The following ELOVL7 variants were observed in gnomAD, a reference collection of about 807,000 sequenced individuals.
ELOVL7 encodes very long chain fatty acid elongase 7.
In ELOVL7, 27 loss-of-function variants were observed where a neutral mutation model predicts 35.7. The ratio of observed to expected loss-of-function variants is 0.76; its 90% CI spans 0.56 to 1.04. ELOVL7 has a LOEUF of 1.04. Ranked by LOEUF, ELOVL7 falls within the 50% of genes least tolerant of loss-of-function variation. The pLI is 0.00. For synonymous variants in ELOVL7, 113 were observed against 114.6 expected, an observed-to-expected ratio of 0.99 and a Z score of 0.09; for missense variants, 327 against 340.8, an observed-to-expected ratio of 0.96 and a Z score of 0.32.
At chr5:60,827,265 A>G (rs865966669) in intron 1 of ELOVL7, among the ~76,000 whole-genome samples, 36 of 152,354 alleles carry the variant, frequency 2.4e-4, no homozygotes, top group Middle Eastern at 3.4e-3. Flanking sequence ...AAAAGATGCC[A>G]GAAAAAACTT....
chr5:60,755,184 C>T (rs1448735591), intron 8 of ELOVL7, among the ~76,000 whole-genome samples: 1 of 152,228 alleles, frequency 6.6e-6, no homozygotes, highest in Admixed American at 6.5e-5. Context: ...AATGACCATG[C>T]ACTACATGTG....
At chr5:60,768,361 A>G (rs1268439308) in intron 4 of ELOVL7, among the ~76,000 whole-genome samples, 1 of 152,172 alleles carries the variant, frequency 6.6e-6, no homozygotes, top group Admixed American at 6.5e-5. Flanking sequence ...GCAAACCAAA[A>G]TGCCTCAATG....
chr5:60,770,744 G>A (rs1050464979), intron 4 of ELOVL7, among the ~76,000 whole-genome samples: 2 of 152,120 alleles, frequency 1.3e-5, no homozygotes, highest in African/African-American at 2.4e-5. Flanking sequence ...ACAGGGTCTT[G>A]CTCCGTCACT....
chr5:60,812,417 GT>G (rs1420010424), intron 1 of ELOVL7, among the ~76,000 whole-genome samples: 1 of 152,032 alleles, frequency 6.6e-6, no homozygotes, highest in Non-Finnish European at 1.5e-5. Context: ...TTAACTGGTT[GT>G]GACCTATGTT....
chr5:60,835,066 C>T (rs1420834554), intron 1 of ELOVL7, among the ~76,000 whole-genome samples: 3 of 151,314 alleles, frequency 2.0e-5, no homozygotes, highest in East Asian at 1.9e-4. Flanking sequence ...GGCACACACC[C>T]GTAGTCCCAG....
At chr5:60,767,944 T>A (rs573554345) in intron 4 of ELOVL7, 41 bp from the exon 5 acceptor site, 1 of 1,508,428 alleles carries the variant, frequency 6.6e-7, no homozygotes, top group South Asian at 1.1e-5. Context: ...GAAAGCATTT[T>A]CCCAACAGCC....
At chr5:60,820,957 C>A (rs1444779890) in intron 1 of ELOVL7, among the ~76,000 whole-genome samples, 1 of 152,010 alleles carries the variant, frequency 6.6e-6, no homozygotes, top group Non-Finnish European at 1.5e-5. Flanking sequence ...CTCTTGTCTG[C>A]CTAGTGAATT....
intron 2 of ELOVL7, among the ~76,000 whole-genome samples, chr5:60,792,103 AC>A (rs1211174183): frequency 1.3e-5 from 2 of 152,142 alleles, no homozygotes; most frequent in Non-Finnish European, 2.9e-5. Flanking sequence ...CAGAGGAAGA[AC>A]CCAAACTAGA....
At chr5:60,824,216 G>C (rs1202196992) in intron 1 of ELOVL7, among the ~76,000 whole-genome samples, 1 of 152,220 alleles carries the variant, frequency 6.6e-6, no homozygotes, top group Non-Finnish European at 1.5e-5. Context: ...GTCTCTGAGA[G>C]AGTGAAGAGA....
chr5:60,770,412 C>G (rs1408839639), intron 4 of ELOVL7, among the ~76,000 whole-genome samples: 1 of 152,140 alleles, frequency 6.6e-6, no homozygotes, highest in Non-Finnish European at 1.5e-5. Context: ...GGTTAAATAA[C>G]TTGCTAAAAT....
At chr5:60,818,189 G>A (rs1745643022) in intron 1 of ELOVL7, among the ~76,000 whole-genome samples, 1 of 151,522 alleles carries the variant, frequency 6.6e-6, no homozygotes, top group African/African-American at 2.4e-5. Context: ...GTGGTGGCGG[G>A]CGCCTATAAT....
At chr5:60,754,933 T>A in intron 8 of ELOVL7, 100 bp from the exon 9 acceptor site, 2 of 935,924 alleles carry the variant, frequency 2.1e-6, no homozygotes, top group Non-Finnish European at 3.2e-6. Flanking sequence ...GGGAGTGCAC[T>A]ATTGGGCAAA....
chr5:60,764,009 G>C (rs763170514), intron 7 of ELOVL7, among the ~76,000 whole-genome samples: 4 of 152,070 alleles, frequency 2.6e-5, no homozygotes, highest in Non-Finnish European at 2.9e-5. Context: ...TGTGTAGAAG[G>C]CTGTGCCCAG....
At chr5:60,807,286 T>C (rs1004973860) in intron 1 of ELOVL7, among the ~76,000 whole-genome samples, 2 of 152,140 alleles carry the variant, frequency 1.3e-5, no homozygotes, top group African/African-American at 4.8e-5. Flanking sequence ...TGAGGTGGAA[T>C]GAATCTTGCT....
At chr5:60,787,198 T>C (rs949930396) in intron 3 of ELOVL7, 136 bp downstream of exon 3, 69 of 654,860 alleles carry the variant, frequency 1.1e-4, no homozygotes, top group Non-Finnish European at 1.3e-4. Context: ...ACCTGTGCAC[T>C]TCCTCTTCGT....
Position 60,766,580 on chromosome 5 carries a change from T to A in ELOVL7, c.387A>T (p.Leu129Phe), listed in dbSNP as rs1742249012. 2.5e-6 allele frequency: 4 copies of A among 1,612,452 alleles called. No individual in the cohort carries two copies. In the South Asian group the frequency reaches 4.4e-5, roughly 18 times the overall value. The stretch of plus-strand genomic sequence containing the variant: ...GTGGTGGCCATATACTCACCGTATC[T>A]AATAGCTCAATAAATTTGGAGAAGT... The part of the protein sequence containing the change: ...LYYFSKFIEL[L>F]DTIFFVLRKK... Residue 129 changes from leucine (L) to phenylalanine (F), a missense_variant, in exon 6 of 9, where the codon TTA (leucine) becomes TTT (phenylalanine). By Grantham distance (22) the Leu-to-Phe change is conservative. Transcript: ENST00000508821.
chr5:60,825,006 A>T (rs1746089457), intron 1 of ELOVL7, among the ~76,000 whole-genome samples: 3 of 149,952 alleles, frequency 2.0e-5, no homozygotes, highest in Admixed American at 2.0e-4. Context: ...CCCAGGCTGG[A>T]GTGCAGTGGT....
At chr5:60,761,120 C>T (rs1741884611) in intron 7 of ELOVL7, among the ~76,000 whole-genome samples, 1 of 152,040 alleles carries the variant, frequency 6.6e-6, no homozygotes, top group Admixed American at 6.6e-5. Context: ...ATTTTCTAAG[C>T]CTGTTTTCTT....
intron 1 of ELOVL7, among the ~76,000 whole-genome samples, chr5:60,841,966 C>T (rs1747200383): frequency 6.6e-6 from 1 of 152,130 alleles, no homozygotes; most frequent in Admixed American, 6.6e-5. Context: ...TCCTGTAAAA[C>T]CTGGCTTAAA....
Sources: allele counts gnomAD v4.1 joint callset (sites outside exome capture counted in the v4.1 genomes callset), GRCh38; gene constraint gnomAD v4.1.1; transcripts MANE v1.5; gene names NCBI Gene and HGNC (gene_info 2026-07-23, HGNC 2026-07-21).